Variants in SHISA9 observed in about 807,000 individuals in gnomAD.
SHISA9 encodes the protein shisa family member 9, also known as protein shisa-9.
A neutral mutation model predicts 38.0 loss-of-function variants in SHISA9; 13 were observed. That is an observed-to-expected ratio of 0.34 (90% CI 0.22 to 0.54). SHISA9 has a LOEUF of 0.54. SHISA9 is among the 20% of genes least tolerant of loss of function. SHISA9 has a pLI of 0.91. For synonymous variants in SHISA9, 275 were observed against 242.0 expected, an observed-to-expected ratio of 1.14 and a Z score of -1.27; for missense variants, 538 against 575.8, an observed-to-expected ratio of 0.93 and a Z score of 0.67.
At position 12,923,717 on chromosome 16, in the gene SHISA9, TGTAGTTCCAGCTACTTGGGAGG is replaced by T. The variant is rs566743245; in HGVS notation, c.691+6903_691+6924del. ...TTAGCTGGGCGTGGTGGTGGGCGCC[TGTAGTTCCAGCTACTTGGGAGG>T]CTGAGGCAGGAGAATGGCATGAATC... On this transcript the variant is annotated intron_variant, in intron 2 of 4. Coordinates refer to ENST00000558583, the MANE Select transcript of SHISA9 (RefSeq NM_001145204.3). Among the ~76,000 whole-genome samples, 31 of 152,042 alleles carry T rather than the reference TGTAGTTCCAGCTACTTGGGAGG, an allele frequency of 2.0e-4. No homozygotes were observed. In the East Asian group the frequency reaches 5.8e-3, roughly 28 times the overall value.
chr16:13,372,740 T>G, the SHISA9 span, among the ~76,000 whole-genome samples: 2 of 152,270 alleles, frequency 1.3e-5, no homozygotes, highest in South Asian at 2.1e-4. Flanking sequence ...CATTTTAACT[T>G]CACAATGAAT....
downstream of SHISA9, among the ~76,000 whole-genome samples, chr16:13,241,447 G>A (rs62027602): frequency 0.25 from 38,610 of 151,900 alleles, 5,148 homozygotes; most frequent in East Asian, 0.39. Context: ...CGGAGGTTGC[G>A]GTGAGCCGAG....
intron 2 of SHISA9, among the ~76,000 whole-genome samples, chr16:13,172,604 A>G (rs2050695990): frequency 6.6e-6 from 1 of 152,168 alleles, no homozygotes; most frequent in South Asian, 2.1e-4. Flanking sequence ...CCATTTCACC[A>G]TCACCTTCGT....
chr16:12,984,666 A>C (rs1216761282), intron 2 of SHISA9, among the ~76,000 whole-genome samples: 1 of 152,220 alleles, frequency 6.6e-6, no homozygotes, highest in Admixed American at 6.5e-5. Context: ...TGAAAGAGCT[A>C]CTGGGCTTTA....
At chr16:13,045,247 T>C (rs1441912471) in intron 2 of SHISA9, among the ~76,000 whole-genome samples, 1 of 152,220 alleles carries the variant, frequency 6.6e-6, no homozygotes, top group Admixed American at 6.5e-5. Context: ...CTGTTCTAAG[T>C]AGCTCACACA....
rs1343379624 is a variant in SHISA9 at position 13,026,342 on chromosome 16, T to G, written c.691+109527T>G. 3.3e-5 allele frequency among the ~76,000 whole-genome samples: 5 copies of G among 152,258 alleles called. No homozygotes were observed. In the East Asian group the frequency reaches 9.6e-4, roughly 29 times the overall value. On this transcript the variant is annotated intron_variant, in intron 2 of 4. Coordinates refer to ENST00000558583, the MANE Select transcript of SHISA9 (RefSeq NM_001145204.3). ...CATGCAGCATTTGTCCCTTTGTGAC[T>G]GATTTATGCATTTAGCATAATGTCC...
chr16:13,293,309 A>C, the SHISA9 span, among the ~76,000 whole-genome samples: 1 of 152,110 alleles, frequency 6.6e-6, no homozygotes, highest in Admixed American at 6.5e-5. Context: ...TTGGTTTTTT[A>C]AGTGTTTTGA....
chr16:13,438,251 A>G, the SHISA9 span, among the ~76,000 whole-genome samples: 4 of 152,318 alleles, frequency 2.6e-5, no homozygotes, highest in South Asian at 8.3e-4. Context: ...TCATCTGGAA[A>G]GTGGCAATGA....
At chr16:13,370,440 T>G in the SHISA9 span, among the ~76,000 whole-genome samples, 1 of 152,316 alleles carries the variant, frequency 6.6e-6, no homozygotes, top group South Asian at 2.1e-4. Context: ...ATTTAAACAC[T>G]AATTTTCTGA....
Position 13,231,845 on chromosome 16 carries a change from T to C in SHISA9, c.896-3185T>C, listed in dbSNP as rs1328953406. 2.0e-5 allele frequency among the ~76,000 whole-genome samples: 3 copies of C among 152,266 alleles called. No individual in the cohort carries two copies. In the East Asian group the frequency reaches 5.8e-4, roughly 29 times the overall value. ...AAACCAAGGGTTTCCGTCTGTGGCC[T>C]TTCAAATAATGTTGATTGAATGTAG... On this transcript the variant is annotated intron_variant, in intron 4 of 4. Transcript: ENST00000558583.
At chr16:13,038,762 T>A (rs757490674) in intron 2 of SHISA9, among the ~76,000 whole-genome samples, 1 of 152,212 alleles carries the variant, frequency 6.6e-6, no homozygotes, top group African/African-American at 2.4e-5. Context: ...TCACTAGACC[T>A]TAAGCTCCAC....
intron 1 of SHISA9, among the ~76,000 whole-genome samples, chr16:12,914,965 A>T (rs972535889): frequency 6.6e-6 from 1 of 152,216 alleles, no homozygotes; most frequent in Non-Finnish European, 1.5e-5. Context: ...AAGTTCCAGC[A>T]GACAGGCTGG....
At chr16:13,530,311 T>A in the SHISA9 span, among the ~76,000 whole-genome samples, 8 of 151,672 alleles carry the variant, frequency 5.3e-5, no homozygotes, top group Non-Finnish European at 7.4e-5. Context: ...AAAAAATAAA[T>A]AAAAATAAAT....
chr16:13,062,121 A>T (rs1020933140), intron 2 of SHISA9, among the ~76,000 whole-genome samples: 4 of 152,096 alleles, frequency 2.6e-5, no homozygotes, highest in African/African-American at 7.2e-5. Flanking sequence ...GATAAATTTG[A>T]ATCTCAGACA....
At chr16:13,196,087 C>CAAAAAAAAAAAAAA (rs1172680715) in intron 2 of SHISA9, among the ~76,000 whole-genome samples, 2 of 14,122 alleles carry the variant, frequency 1.4e-4, no homozygotes, top group African/African-American at 6.6e-4. Flanking sequence ...GACTCTCTCT[C>CAAAAAAAAAAAAAA]AAAAAAAAAA....
chr16:13,515,015 G>A, the SHISA9 span, among the ~76,000 whole-genome samples: 5 of 151,980 alleles, frequency 3.3e-5, no homozygotes, highest in African/African-American at 9.7e-5. Flanking sequence ...GAGAAACAAC[G>A]CAAGCAAAAA....
rs368217457 is a variant in SHISA9 at position 13,208,735 on chromosome 16, T to A, written c.848-4518T>A. Among the ~76,000 whole-genome samples the A allele has an allele frequency of 2.0e-5, 3 of 152,194 alleles. No individual in the cohort carries two copies. In the East Asian group the frequency reaches 5.8e-4, roughly 29 times the overall value. ...GGGATGATGACTTTGAATTATTCCTTCAGTTGTTCATTCATTCTCCAAACA... is the reference window on the plus strand; with the variant it reads ...GGGATGATGACTTTGAATTATTCCTACAGTTGTTCATTCATTCTCCAAACA... On this transcript the variant is annotated intron_variant, in intron 3 of 4. Transcript: ENST00000558583.
the SHISA9 span, among the ~76,000 whole-genome samples, chr16:13,296,827 G>T: frequency 2.1e-5 from 3 of 143,406 alleles, no homozygotes. Context: ...GGAGGTGGAG[G>T]TTGCAGTGAG....
Position 12,917,376 on chromosome 16 carries a change from A to T in SHISA9, c.691+561A>T, listed in dbSNP as rs77528974. On this transcript the variant is annotated intron_variant, in intron 2 of 4. Coordinates refer to ENST00000558583, the MANE Select transcript of SHISA9 (RefSeq NM_001145204.3). ...TAGGGGGTGCAGGGAGTGGTTATTGAATTTCGGTCCTGTTGATTTGAGGTT... is the reference window on the plus strand; with the variant it reads ...TAGGGGGTGCAGGGAGTGGTTATTGTATTTCGGTCCTGTTGATTTGAGGTT... 1.9e-3 allele frequency among the ~76,000 whole-genome samples: 293 copies of T among 152,200 alleles called. 5 individuals are homozygous for T. The East Asian group carries it at 0.03, about 16-fold the overall frequency.
Sources: allele counts gnomAD v4.1 joint callset (sites outside exome capture counted in the v4.1 genomes callset), GRCh38; gene constraint gnomAD v4.1.1; transcripts MANE v1.5; gene names NCBI Gene and HGNC (gene_info 2026-07-23, HGNC 2026-07-21).